Variants in TLE2 observed in about 807,000 individuals in gnomAD.
TLE2 encodes the protein transducin-like enhancer protein 2.
In TLE2, 74 loss-of-function variants were observed where a neutral mutation model predicts 97.2. That is an observed-to-expected ratio of 0.76 (90% confidence interval 0.63 to 0.92). TLE2 has a LOEUF of 0.92. Among genes scored for constraint, TLE2 ranks in the 40% least tolerant of loss-of-function variants. The pLI, the probability that TLE2 is intolerant of heterozygous loss-of-function variation, is 0.00. For missense variants in TLE2, 1,038 were observed against 1,008.7 expected, an observed-to-expected ratio of 1.03 and a Z score of -0.39; for synonymous variants, 499 against 432.1, an observed-to-expected ratio of 1.15 and a Z score of -1.92.
chr19:3,021,116 G>GAAA (rs1568245430), intron 5 of TLE2, among the ~76,000 whole-genome samples: 2 of 64,442 alleles, frequency 3.1e-5, no homozygotes, highest in African/African-American at 6.3e-5. Context: ...AAAAAAAAAG[G>GAAA]GGGGGGGGTG....
At position 3,005,857 on chromosome 19, in the gene TLE2, G is replaced by T. The variant is rs748450653; in HGVS notation, c.1612C>A (p.Arg538Ser). The part of the protein sequence containing the change: ...SIWDLAAPTP[R>S]IKAELTSSAP... ...GAGGAAGTCAGCTCGGCCTTGATAC[G>T]GGGGGTGGGCGCCGCCAGGTCCCAA... The change falls in exon 16 of 20, where the codon CGT becomes AGT. Residue 538 changes from arginine (R) to serine (S), a missense_variant. Physicochemically the swap from Arg to Ser is moderately radical, Grantham distance 110 (BLOSUM62 -1). Transcript: ENST00000262953. 3.7e-6 allele frequency: 6 copies of T among 1,613,806 alleles called. No individual in the cohort carries two copies. In the Admixed American group the frequency reaches 8.3e-5, roughly 22 times the overall value.
intron 4 of TLE2, chr19:3,025,481 G>A: frequency 2.0e-6 from 2 of 1,016,106 alleles, no homozygotes; most frequent in Non-Finnish European, 2.4e-6. Flanking sequence ...CCAGATTCCA[G>A]CCCCGGCTTG....
intron 1 of TLE2, among the ~76,000 whole-genome samples, chr19:3,036,105 C>T (rs1371150954): frequency 6.6e-6 from 1 of 152,080 alleles, no homozygotes; most frequent in Admixed American, 6.5e-5. Flanking sequence ...AAGCTCTTAC[C>T]CGAGCCTGGG....
chr19:3,009,740 G>T, intron 12 of TLE2, 38 bp from the exon 13 acceptor site: 2 of 1,570,802 alleles, frequency 1.3e-6, no homozygotes, highest in East Asian at 2.3e-5. Context: ...TTGACGCCCT[G>T]GACCCAGATC....
chr19:3,028,407 G>T (rs992299787), intron 2 of TLE2, 25 bp from the exon 3 acceptor site: 1 of 1,582,854 alleles, frequency 6.3e-7, no homozygotes, highest in African/African-American at 1.3e-5. Flanking sequence ...GAGGGCAAGG[G>T]GCTCCCACCC....
intron 1 of TLE2, among the ~76,000 whole-genome samples, chr19:3,042,736 T>C (rs11084993): frequency 0.33 from 49,997 of 151,854 alleles, 8,432 homozygotes; most frequent in Middle Eastern, 0.36. Context: ...AGAGATCCTA[T>C]GTAGAAGCTG....
At chr19:3,046,727 AG>A (rs1225405468), upstream of TLE2, among the ~76,000 whole-genome samples, 2 of 151,464 alleles carry the variant, frequency 1.3e-5, no homozygotes, top group African/African-American at 4.9e-5. Flanking sequence ...AGAATGGGGG[AG>A]GGGGGCTGGG....
rs768206173 is a variant in TLE2, at chr19:3,019,357, G to A, written c.476C>T (p.Ala159Val). 18 of 1,563,392 alleles carry A rather than the reference G, an allele frequency of 1.2e-5. No individual in the cohort carries two copies. The highest frequency in any genetic ancestry group is 1.7e-4 in the Middle Eastern group (1 of 5,730). Reference protein sequence around the residue: ...SATGLLALSGALAAQAQLAAA... With the variant: ...SATGLLALSGVLAAQAQLAAA... ...CGCCAGCTGAGCCTGGGCAGCCAGG[G>A]CTCCAGACAGAGCAAGCAGCCCCGT... is the stretch of plus-strand genomic sequence containing the variant. The change falls in exon 7 of 20, where the codon GCC (alanine) becomes GTC (valine). Residue 159 changes from alanine (A) to valine (V), a missense_variant. Coordinates refer to ENST00000262953, the MANE Select transcript of TLE2 (RefSeq NM_003260.5). The surrounding 1 kb of genome is among the most constrained non-coding windows in gnomAD (Gnocchi z 5.1).
intron 2 of TLE2, 68 bp downstream of exon 2, chr19:3,028,638 C>A (rs2089987209): frequency 3.2e-6 from 5 of 1,548,180 alleles, no homozygotes; most frequent in Admixed American, 3.4e-5. Flanking sequence ...CCGCCCTATA[C>A]CCCGGAGGCC....
chr19:3,032,702 G>A (rs938352419), upstream of TLE2, among the ~76,000 whole-genome samples: 5 of 152,004 alleles, frequency 3.3e-5, no homozygotes, highest in Non-Finnish European at 5.9e-5. This position sits in a 1 kb window ranked among gnomAD's most constrained non-coding sequence, Gnocchi z 4.1. Context: ...AGAAACCGCC[G>A]GCCACACTCC....
intron 5 of TLE2, 23 bp downstream of exon 5, chr19:3,024,997 C>A: frequency 6.4e-7 from 1 of 1,572,068 alleles, no homozygotes; most frequent in East Asian, 2.3e-5. Context: ...TCCCCTCCTC[C>A]CCCCACCCCC....
At chr19:3,018,485 G>A (rs10407150) in intron 7 of TLE2, among the ~76,000 whole-genome samples, 4,631 of 151,452 alleles carry the variant, frequency 0.031, 241 homozygotes, top group African/African-American at 0.11. Flanking sequence ...TAGAGACAAG[G>A]TTTCACCACG....
At chr19:3,011,310 C>G in intron 11 of TLE2, 150 bp from the exon 12 acceptor site, 3 of 806,314 alleles carry the variant, frequency 3.7e-6, no homozygotes, top group Non-Finnish European at 3.7e-6. Flanking sequence ...GGCGGATCAC[C>G]TGAGGTCAGG....
chr19:3,028,615 G>T (rs1022209244), intron 2 of TLE2, 91 bp downstream of exon 2: 6 of 1,457,810 alleles, frequency 4.1e-6, no homozygotes, highest in Non-Finnish European at 5.7e-6. Context: ...CTCCAACCGG[G>T]AGCCCCTCCT....
chr19:3,044,912 T>C (rs1407868746), intron 1 of TLE2, among the ~76,000 whole-genome samples: 3 of 152,190 alleles, frequency 2.0e-5, no homozygotes, highest in East Asian at 1.9e-4. Context: ...CAAAAAATGC[T>C]GTGAAGATAA....
rs765354155 is a variant in TLE2, at chr19:3,015,643, C to T, written c.678+10G>A. ...ACGCCCATCCCAGTCCTGCACCTGC[C>T]CCCACTCACATAAGGTCCTGATGGC... On this transcript the variant is annotated intron_variant, in intron 9 of 19. Transcript: ENST00000262953. 2 of 1,598,836 alleles carry T rather than the reference C, an allele frequency of 1.3e-6. No individual in the cohort carries two copies. Among genetic ancestry groups the T allele is most frequent in the Non-Finnish European group, 1.7e-6 (2 of 1,173,234 alleles).
intron 19 of TLE2, among the ~76,000 whole-genome samples, chr19:2,998,558 A>G (rs532739245): frequency 6.6e-6 from 1 of 151,980 alleles, no homozygotes; most frequent in Admixed American, 6.6e-5. Flanking sequence ...GATTACACGC[A>G]TGAGCCACCG....
At chr19:3,016,301 C>T (rs1346584977) in intron 8 of TLE2, among the ~76,000 whole-genome samples, 20 of 149,998 alleles carry the variant, frequency 1.3e-4, no homozygotes, top group Non-Finnish European at 4.4e-5. Context: ...TTTGGCCGGG[C>T]GCAGTGGCTC....
upstream of TLE2, among the ~76,000 whole-genome samples, chr19:3,031,100 G>C (rs2090021019): frequency 6.6e-6 from 1 of 152,172 alleles, no homozygotes; most frequent in South Asian, 2.1e-4. Flanking sequence ...CCCTCTCTGA[G>C]TTTGTGGGAT....
Sources: gnomAD v4.1 joint callset for allele counts (sites outside exome capture counted in the v4.1 genomes callset) on GRCh38, gnomAD v4.1.1 for gene constraint, Gnocchi (gnomAD v3.1) non-coding constraint, MANE v1.5 for transcripts, NCBI Gene and HGNC (gene_info 2026-07-23, HGNC 2026-07-21) for gene names.